The following LRRC7 variants were observed in gnomAD, a reference collection of about 807,000 sequenced individuals.
LRRC7 encodes the protein leucine-rich repeat-containing protein 7.
A neutral mutation model predicts 175.7 loss-of-function variants in LRRC7; 23 were observed. The observed-to-expected ratio is 0.13, with a 90% CI of 0.09 to 0.19. The LOEUF (loss-of-function observed/expected upper bound fraction) is 0.19, where lower values mean the gene tolerates loss of function less well. LRRC7 is among the 10% of genes least tolerant of loss of function. LRRC7 has a pLI of 1.00. For synonymous variants in LRRC7, 685 were observed against 680.9 expected (o/e 1.01, Z -0.09); for missense variants, 1,354 against 1,904.7 (o/e 0.71, Z 5.38).
chr1:70,018,038 A>G (rs2101967177), intron 14 of LRRC7, among the ~76,000 whole-genome samples: 1 of 152,114 alleles, frequency 6.6e-6, no homozygotes, highest in African/African-American at 2.4e-5. Flanking sequence ...TTTGTGTTTC[A>G]CTCCTATTAA....
At chr1:69,776,427 G>A (rs561674031) in intron 3 of LRRC7, among the ~76,000 whole-genome samples, 13 of 152,196 alleles carry the variant, frequency 8.5e-5, no homozygotes, top group Non-Finnish European at 1.5e-4. Context: ...CAAATTAACA[G>A]TGATATAAAA....
intron 7 of LRRC7, among the ~76,000 whole-genome samples, chr1:69,891,158 A>G (rs1309203529): frequency 6.6e-6 from 1 of 152,258 alleles, no homozygotes; most frequent in Non-Finnish European, 1.5e-5. Context: ...AGCTTCTGAC[A>G]TGCCTTCCTC....
intron 22 of LRRC7, 91 bp from the exon 23 acceptor site, chr1:70,052,935 A>T: frequency 7.6e-7 from 1 of 1,323,622 alleles, no homozygotes; most frequent in Non-Finnish European, 1.0e-6. Flanking sequence ...AAACAAAATT[A>T]ATTTTACCAT....
intron 1 of LRRC7, among the ~76,000 whole-genome samples, chr1:69,603,516 A>G (rs2101003134): frequency 6.6e-6 from 1 of 152,322 alleles, no homozygotes; most frequent in African/African-American, 2.4e-5. Flanking sequence ...ATTTCTACAT[A>G]TACTGTAATT....
At chr1:69,907,173 G>A (rs879810715) in intron 7 of LRRC7, among the ~76,000 whole-genome samples, 1 of 152,042 alleles carries the variant, frequency 6.6e-6, no homozygotes, top group East Asian at 1.9e-4. Flanking sequence ...GAGACAATGG[G>A]GTTTTCTAAA....
intron 4 of LRRC7, among the ~76,000 whole-genome samples, chr1:69,811,546 T>G (rs1216829593): frequency 1.3e-5 from 2 of 152,086 alleles, no homozygotes; most frequent in African/African-American, 4.8e-5. Flanking sequence ...ACAGACTGGA[T>G]AAAGAAAATG....
At chr1:69,864,619 A>G (rs545879686) in intron 7 of LRRC7, among the ~76,000 whole-genome samples, 125 of 152,320 alleles carry the variant, frequency 8.2e-4, no homozygotes, top group Middle Eastern at 3.4e-3. Flanking sequence ...GTCAGAAGAT[A>G]GGGTAACATG....
chr1:70,126,855 C>T lies in LRRC7; in HGVS notation c.*4968C>T, dbSNP rs190025988. Among the ~76,000 whole-genome samples the T allele has an allele frequency of 2.0e-5, 3 of 152,162 alleles. No homozygotes were observed. Among genetic ancestry groups the T allele is most frequent in the East Asian group, 1.9e-4 (1 of 5,196 alleles). ...CTTCTGGGGGCATTTCTGTTTCTAGCGTGTAAAACTGACCTGTCTTCATTG... is the reference window on the plus strand; with the variant it reads ...CTTCTGGGGGCATTTCTGTTTCTAGTGTGTAAAACTGACCTGTCTTCATTG... On this transcript the variant is annotated 3_prime_UTR_variant, in exon 27 of 27. Transcript: ENST00000651989.
chr1:69,972,579 C>T (rs1331764069), intron 8 of LRRC7, among the ~76,000 whole-genome samples: 1 of 152,134 alleles, frequency 6.6e-6, no homozygotes, highest in Non-Finnish European at 1.5e-5. Context: ...TACCAACTTA[C>T]TCCTGCAAGA....
intron 26 of LRRC7, among the ~76,000 whole-genome samples, chr1:70,108,702 T>A (rs1024477022): frequency 4.6e-5 from 7 of 152,208 alleles, no homozygotes; most frequent in Admixed American, 3.3e-4. Context: ...TGGCTCAACA[T>A]AATATACTGA....
chr1:69,693,038 G>A (rs748987855), intron 2 of LRRC7, among the ~76,000 whole-genome samples: 4 of 151,492 alleles, frequency 2.6e-5, no homozygotes, highest in East Asian at 3.9e-4. Flanking sequence ...TCGCAGACAC[G>A]GACAGGAGTC....
intron 8 of LRRC7, among the ~76,000 whole-genome samples, chr1:69,934,144 C>A (rs941515262): frequency 4.6e-5 from 7 of 152,086 alleles, no homozygotes; most frequent in African/African-American, 1.7e-4. Context: ...CCTCTAGAAA[C>A]AATGTCATGT....
chr1:69,709,737 A>G (rs1664507072), intron 2 of LRRC7, among the ~76,000 whole-genome samples: 1 of 152,228 alleles, frequency 6.6e-6, no homozygotes, highest in African/African-American at 2.4e-5. Flanking sequence ...GGTCTCTTTC[A>G]GTTTATGACT....
At chr1:70,072,903 G>C (rs1662495793) in intron 23 of LRRC7, among the ~76,000 whole-genome samples, 1 of 152,128 alleles carries the variant, frequency 6.6e-6, no homozygotes, top group Admixed American at 6.5e-5. Flanking sequence ...CCTTTTCATG[G>C]TTCCTTTTCA....
intron 8 of LRRC7, among the ~76,000 whole-genome samples, chr1:69,943,949 AACACACACACACACACACACACAC>A (rs55900412): frequency 1.4e-5 from 2 of 145,404 alleles, no homozygotes; most frequent in Admixed American, 6.9e-5. Context: ...TATCATGGTA[AACACACACACACACACACACACAC>A]ACACACACAC....
At chr1:70,112,752 A>G (rs1186639134) in intron 26 of LRRC7, among the ~76,000 whole-genome samples, 1 of 152,086 alleles carries the variant, frequency 6.6e-6, no homozygotes, top group Admixed American at 6.6e-5. Flanking sequence ...GAAAGAAGGG[A>G]GTTTATTCCT....
At chr1:69,868,071 CA>C (rs1436752320) in intron 7 of LRRC7, among the ~76,000 whole-genome samples, 1 of 152,072 alleles carries the variant, frequency 6.6e-6, no homozygotes, top group Non-Finnish European at 1.5e-5. Flanking sequence ...CAATCAAAAA[CA>C]TCTTCTGAAT....
chr1:70,097,946 G>T (rs2102189219), intron 25 of LRRC7, among the ~76,000 whole-genome samples: 1 of 150,690 alleles, frequency 6.6e-6, no homozygotes, highest in Middle Eastern at 3.4e-3. Context: ...CTTTATAGCA[G>T]CATGATTTAT....
chr1:69,943,787 G>A (rs1458695525), intron 8 of LRRC7, among the ~76,000 whole-genome samples: 2 of 152,010 alleles, frequency 1.3e-5, no homozygotes, highest in African/African-American at 4.8e-5. Flanking sequence ...GAAGCAACAG[G>A]ATTTGTTGAC....
Sources: gnomAD v4.1 joint callset for allele counts (sites outside exome capture counted in the v4.1 genomes callset) on GRCh38, gnomAD v4.1.1 for gene constraint, MANE v1.5 for transcripts, NCBI Gene and HGNC (gene_info 2026-07-23, HGNC 2026-07-21) for gene names.